Variants in LINGO2 observed in about 807,000 individuals in gnomAD.
The protein encoded by LINGO2 is leucine-rich repeat and immunoglobulin-like domain-containing nogo receptor-interacting protein 2.
LINGO2 carries 14 observed loss-of-function variants against 30.6 expected under a neutral mutation model. The ratio of observed to expected loss-of-function variants is 0.46; its 90% CI spans 0.30 to 0.72. LINGO2 has a LOEUF of 0.72. Ranked by LOEUF, LINGO2 falls within the 30% of genes least tolerant of loss-of-function variation. The pLI, the probability that LINGO2 is intolerant of heterozygous loss-of-function variation, is 0.07. For missense variants in LINGO2, 729 were observed against 751.7 expected (o/e 0.97, Z 0.35); for synonymous variants, 317 against 288.5 (o/e 1.10, Z -1.00).
intron 4 of LINGO2, among the ~76,000 whole-genome samples, chr9:28,056,428 C>T (rs1824944674): frequency 6.6e-6 from 1 of 152,114 alleles, no homozygotes; most frequent in Non-Finnish European, 1.5e-5. Flanking sequence ...TTGTTTTTGT[C>T]CTGTCTCAGC....
chr9:29,167,431 T>G, the LINGO2 span, among the ~76,000 whole-genome samples: 4 of 152,232 alleles, frequency 2.6e-5, no homozygotes, highest in East Asian at 5.8e-4. Context: ...TACTGAATTA[T>G]CACAAAATAA....
the LINGO2 span, among the ~76,000 whole-genome samples, chr9:29,086,934 C>T: frequency 1.7e-4 from 25 of 150,816 alleles, no homozygotes; most frequent in Admixed American, 1.3e-3. Flanking sequence ...ACTCTGTCAC[C>T]GCAATGGCAC....
intron 4 of LINGO2, among the ~76,000 whole-genome samples, chr9:28,074,685 T>C (rs1229635176): frequency 6.6e-6 from 1 of 152,178 alleles, no homozygotes; most frequent in Non-Finnish European, 1.5e-5. Context: ...CCTTATCCCA[T>C]GCCAAACACA....
the LINGO2 span, among the ~76,000 whole-genome samples, chr9:29,009,708 A>C: frequency 4.6e-5 from 7 of 152,306 alleles, no homozygotes; most frequent in African/African-American, 1.7e-4. Context: ...ACCAAAAAAG[A>C]GCCTGCATTG....
At chr9:28,035,416 T>C (rs538524401) in intron 4 of LINGO2, among the ~76,000 whole-genome samples, 3 of 152,366 alleles carry the variant, frequency 2.0e-5, no homozygotes, top group Admixed American at 6.5e-5. Context: ...TGTGAAGGTC[T>C]TTTACAGTTA....
At chr9:28,406,506 C>T (rs544606541) in intron 2 of LINGO2, among the ~76,000 whole-genome samples, 35 of 152,260 alleles carry the variant, frequency 2.3e-4, no homozygotes, top group Admixed American at 2.2e-3. Context: ...TGACCATTTC[C>T]AGCCAGACAT....
rs542184519 is a variant in LINGO2, at chr9:28,503,047, T to C, written c.-364-27022A>G. On this transcript the variant is annotated intron_variant, in intron 1 of 5. Coordinates refer to ENST00000379992, the Ensembl canonical transcript of LINGO2. ...TTGCTATCCTGTTGGCTTTCTTTGC[T>C]CTGCATCAGTAATGAAAAAATAAAT... Among the ~76,000 whole-genome samples the C allele has an allele frequency of 8.5e-5, 13 of 152,210 alleles. 1 individual carries two copies. In the South Asian group the frequency reaches 2.3e-3, roughly 27 times the overall value.
the LINGO2 span, among the ~76,000 whole-genome samples, chr9:28,828,938 A>C: frequency 6.6e-6 from 1 of 152,166 alleles, no homozygotes; most frequent in African/African-American, 2.4e-5. Context: ...GGGTCCCCAG[A>C]GAAGGCCCCA....
the LINGO2 span, among the ~76,000 whole-genome samples, chr9:29,122,410 C>T: frequency 6.6e-6 from 1 of 151,942 alleles, no homozygotes; most frequent in Non-Finnish European, 1.5e-5. Context: ...TCAGTTAAGG[C>T]TTAGGCTCCA....
chr9:27,943,367 A>G (rs779339829), downstream of LINGO2: 1 of 152,142 alleles, frequency 6.6e-6, no homozygotes, highest in Non-Finnish European at 1.5e-5. Flanking sequence ...TCTAATGACT[A>G]TTTTGCATAT....
At chr9:28,158,336 G>A (rs1003754301) in intron 4 of LINGO2, among the ~76,000 whole-genome samples, 3 of 152,098 alleles carry the variant, frequency 2.0e-5, no homozygotes, top group East Asian at 1.9e-4. Context: ...CCCACAACAC[G>A]TGGGAATTCA....
chr9:28,711,200 T>C, the LINGO2 span, among the ~76,000 whole-genome samples: 1 of 152,270 alleles, frequency 6.6e-6, no homozygotes, highest in South Asian at 2.1e-4. Context: ...TAAAAATATA[T>C]TTTTATGTGC....
Position 28,410,354 on chromosome 9 carries a change from T to G in LINGO2, c.-278-37486A>C, listed in dbSNP as rs141536670. Among the ~76,000 whole-genome samples, 441 of 152,190 alleles carry G rather than the reference T, an allele frequency of 2.9e-3. 1 individual carries two copies. The highest frequency in any genetic ancestry group is 5.3e-3 in the Non-Finnish European group (363 of 67,978). On this transcript the variant is annotated intron_variant, in intron 2 of 5. Coordinates refer to ENST00000379992, the Ensembl canonical transcript of LINGO2. ...TGTTTACTTTATGTGGGTTTTCTGC[T>G]AAAGAATAACAAGCCACTTGCATAT...
At chr9:28,708,345 G>C in the LINGO2 span, among the ~76,000 whole-genome samples, 1 of 152,058 alleles carries the variant, frequency 6.6e-6, no homozygotes, top group Admixed American at 6.6e-5. Context: ...GGATCCCCAA[G>C]GAGAGCTCCT....
chr9:28,810,790 G>C, the LINGO2 span, among the ~76,000 whole-genome samples: 1 of 151,934 alleles, frequency 6.6e-6, no homozygotes, highest in Non-Finnish European at 1.5e-5. Flanking sequence ...TTTCCTTCTG[G>C]CTTCTAGGGT....
intron 1 of LINGO2, among the ~76,000 whole-genome samples, chr9:28,646,271 A>G (rs540762141): frequency 2.6e-5 from 4 of 152,216 alleles, no homozygotes; most frequent in African/African-American, 7.2e-5. Flanking sequence ...CCAGAACTCT[A>G]TATCTCTGTT....
At chr9:28,105,043 C>T (rs1465295006) in intron 4 of LINGO2, among the ~76,000 whole-genome samples, 1 of 152,078 alleles carries the variant, frequency 6.6e-6, no homozygotes. Context: ...AATCACTCAT[C>T]ATTTCAACCT....
the LINGO2 span, among the ~76,000 whole-genome samples, chr9:28,728,345 G>T: frequency 6.6e-6 from 1 of 151,290 alleles, no homozygotes; most frequent in Non-Finnish European, 1.5e-5. Context: ...TAAATTTTTA[G>T]AAGAGCAATC....
chr9:28,690,405 G>T, the LINGO2 span, among the ~76,000 whole-genome samples: 1 of 152,180 alleles, frequency 6.6e-6, no homozygotes, highest in South Asian at 2.1e-4. Context: ...TGCTAAACTT[G>T]TGGCAATTTC....
Sources: allele counts gnomAD v4.1 joint callset (sites outside exome capture counted in the v4.1 genomes callset), GRCh38; gene constraint gnomAD v4.1.1; transcripts MANE v1.5; gene names NCBI Gene and HGNC (gene_info 2026-07-23, HGNC 2026-07-21).